FRMD4A: variants seen among roughly 807,000 people sequenced by gnomAD.
FRMD4A encodes FERM domain containing 4A, also known as FERM domain-containing protein 4A.
Under a neutral mutation model 129.1 loss-of-function variants are expected in FRMD4A, and 29 were observed. The ratio of observed to expected loss-of-function variants is 0.22; its 90% CI spans 0.17 to 0.31. The LOEUF (loss-of-function observed/expected upper bound fraction) is 0.31, where lower values mean the gene tolerates loss of function less well. FRMD4A is among the 10% of genes least tolerant of loss of function. The pLI is 1.00. For synonymous variants in FRMD4A, 634 were observed against 571.6 expected (o/e 1.11, Z -1.56); for missense variants, 1,272 against 1,375.8 (o/e 0.92, Z 1.19).
chr10:14,257,102 G>T (rs1047545002), intron 2 of FRMD4A, among the ~76,000 whole-genome samples: 1 of 151,996 alleles, frequency 6.6e-6, no homozygotes, highest in Non-Finnish European at 1.5e-5. Context: ...GCCAAGGATG[G>T]GATGGATCAC....
chr10:13,691,001 T>A (rs78017206), intron 15 of FRMD4A, among the ~76,000 whole-genome samples: 2,455 of 152,268 alleles, frequency 0.016, 57 homozygotes, highest in African/African-American at 0.056. Flanking sequence ...TGTGTGTGTG[T>A]GAGAGAGACA....
rs1471030591 is a variant in FRMD4A, at chr10:13,740,227, G to A, written c.639C>T (p.Leu213=). 2.5e-6 allele frequency: 4 copies of A among 1,609,954 alleles called. No homozygotes were observed. The Admixed American group carries it at 5.0e-5, about 20-fold the overall frequency. Residue 213 remains leucine (L), a synonymous_variant, in exon 11 of 25, where the codon CTC becomes CTT. Coordinates refer to ENST00000357447, the MANE Select transcript of FRMD4A (RefSeq NM_018027.5). ...CATAATAGTGAACCCCGTAGGTTGG[G>A]AGAGACTCCACGATGCTCATGTAGC... ...IVNYMSIVES[L]PTYGVHYYAV...
intron 2 of FRMD4A, among the ~76,000 whole-genome samples, chr10:14,195,926 C>T (rs891918613): frequency 4.6e-5 from 7 of 152,108 alleles, no homozygotes; most frequent in Admixed American, 6.5e-5. Context: ...TACGACTTCA[C>T]GACACTCTGA....
At chr10:14,321,541 G>A (rs1190282395) in intron 2 of FRMD4A, among the ~76,000 whole-genome samples, 1 of 152,120 alleles carries the variant, frequency 6.6e-6, no homozygotes, top group African/African-American at 2.4e-5. Flanking sequence ...CCTGGGACAT[G>A]AGGCTGGGCA....
chr10:14,070,824 T>C (rs758737997), intron 2 of FRMD4A, among the ~76,000 whole-genome samples: 11 of 152,186 alleles, frequency 7.2e-5, no homozygotes, highest in Non-Finnish European at 1.6e-4. Flanking sequence ...TGACCCTGAA[T>C]CATCAGGACT....
chr10:13,992,325 G>A (rs1192766708), intron 2 of FRMD4A, among the ~76,000 whole-genome samples: 1 of 152,188 alleles, frequency 6.6e-6, no homozygotes, highest in African/African-American at 2.4e-5. Context: ...GTCTCCACCT[G>A]TTTCTTGATT....
rs1295370711 is a variant in FRMD4A, at chr10:13,656,713, T to A, written c.2876A>T (p.Tyr959Phe). Reference sequence around the variant, plus strand: ...GAAGGTGCTCTGGGAGGAGGTGCTGTACTGCGAGCCGCTGTCCGAGGAGGT... The same window carrying A: ...GAAGGTGCTCTGGGAGGAGGTGCTGAACTGCGAGCCGCTGTCCGAGGAGGT... Reference protein sequence around the residue: ...SSTSSDSGSQYSTSSQSTFVA... With the variant: ...SSTSSDSGSQFSTSSQSTFVA... The change falls in exon 22 of 25, where the codon TAC becomes TTC. Residue 959 changes from tyrosine (Y) to phenylalanine (F), a missense_variant. By Grantham distance (22) the Tyr-to-Phe change is conservative. Transcript: ENST00000357447. 1.3e-6 allele frequency: 2 copies of A among 1,586,894 alleles called. No homozygotes were observed. Among genetic ancestry groups the A allele is most frequent in the South Asian group, 2.3e-5 (2 of 87,526 alleles).
intron 2 of FRMD4A, among the ~76,000 whole-genome samples, chr10:13,867,669 AT>A (rs1426997641): frequency 6.9e-5 from 9 of 129,896 alleles, no homozygotes; most frequent in South Asian, 4.4e-4. Flanking sequence ...AATATATAAT[AT>A]AATATATAAT....
chr10:14,326,122 T>A (rs1328498205), intron 2 of FRMD4A: 2 of 152,236 alleles, frequency 1.3e-5, no homozygotes, highest in East Asian at 3.8e-4. Flanking sequence ...ATTTCATCGA[T>A]ATAAAAAAAT....
At position 13,730,635 on chromosome 10, in the gene FRMD4A, C is replaced by T. The variant is rs563020873; in HGVS notation, c.759+7209G>A. On this transcript the variant is annotated intron_variant, in intron 12 of 24. Coordinates refer to ENST00000357447, the MANE Select transcript of FRMD4A (RefSeq NM_018027.5). ...AATACGGAGCCTCTCACCTCAGCAG[C>T]GCTTCTTTCTATTCCCACACATATG... 7.2e-5 allele frequency among the ~76,000 whole-genome samples: 11 copies of T among 152,156 alleles called. No homozygotes were observed. In the East Asian group the frequency reaches 7.7e-4, roughly 11 times the overall value.
At chr10:13,653,571 A>C (rs1407462145) in intron 23 of FRMD4A, 2 of 152,264 alleles carry the variant, frequency 1.3e-5, no homozygotes, top group Non-Finnish European at 2.9e-5. Flanking sequence ...TCATGATTCA[A>C]CTCACAGCCA....
At chr10:13,885,270 A>G (rs1289498785) in intron 2 of FRMD4A, among the ~76,000 whole-genome samples, 2 of 152,192 alleles carry the variant, frequency 1.3e-5, no homozygotes, top group South Asian at 2.1e-4. Context: ...TTTCACAGAT[A>G]TTAACTAATT....
intron 6 of FRMD4A, among the ~76,000 whole-genome samples, chr10:13,764,072 A>G (rs2092182347): frequency 6.6e-6 from 1 of 152,114 alleles, no homozygotes; most frequent in Non-Finnish European, 1.5e-5. Flanking sequence ...AACACCTCAA[A>G]AACTGCATAT....
intron 2 of FRMD4A, among the ~76,000 whole-genome samples, chr10:13,955,159 G>A (rs1039026478): frequency 2.5e-5 from 3 of 119,092 alleles, no homozygotes; most frequent in Admixed American, 1.2e-4. Context: ...CCAGGCTGGA[G>A]TGCAGTGGCT....
chr10:14,154,016 C>T (rs1840474478), intron 2 of FRMD4A, among the ~76,000 whole-genome samples: 1 of 152,142 alleles, frequency 6.6e-6, no homozygotes, highest in South Asian at 2.1e-4. Flanking sequence ...ACCTCGCCAT[C>T]CCCTGCTTGG....
At chr10:14,224,909 G>T (rs1212635223) in intron 2 of FRMD4A, among the ~76,000 whole-genome samples, 1 of 152,140 alleles carries the variant, frequency 6.6e-6, no homozygotes, top group Non-Finnish European at 1.5e-5. Flanking sequence ...ACTTAATAAG[G>T]TAGAAAGAAA....
chr10:13,880,485 C>T (rs544557393), intron 2 of FRMD4A, among the ~76,000 whole-genome samples: 16 of 152,330 alleles, frequency 1.1e-4, no homozygotes, highest in South Asian at 2.1e-4. Flanking sequence ...CTCACCCACA[C>T]GGCACCCAAA....
At chr10:14,112,523 T>C (rs1319526250) in intron 2 of FRMD4A, among the ~76,000 whole-genome samples, 1 of 152,192 alleles carries the variant, frequency 6.6e-6, no homozygotes, top group Admixed American at 6.5e-5. Flanking sequence ...GAGGGAATGA[T>C]TAAACTTTCT....
At chr10:14,251,676 TA>T (rs1403723879) in intron 2 of FRMD4A, among the ~76,000 whole-genome samples, 1 of 152,184 alleles carries the variant, frequency 6.6e-6, no homozygotes, top group African/African-American at 2.4e-5. Flanking sequence ...TAAGGAGTTT[TA>T]AAATAAGAAG....
Sources: allele counts gnomAD v4.1 joint callset (sites outside exome capture counted in the v4.1 genomes callset), GRCh38; gene constraint gnomAD v4.1.1; transcripts MANE v1.5; gene names NCBI Gene and HGNC (gene_info 2026-07-23, HGNC 2026-07-21).